The following ANKFN1 variants were observed in gnomAD, a reference collection of about 807,000 sequenced individuals.
ANKFN1 encodes ankyrin repeat and fibronectin type III domain containing 1, also known as ankyrin repeat and fibronectin type-III domain-containing protein 1.
A neutral mutation model predicts 108.7 loss-of-function variants in ANKFN1; 74 were observed. That is an observed-to-expected ratio of 0.68 (90% CI 0.56 to 0.83). The LOEUF (loss-of-function observed/expected upper bound fraction) is 0.83. ANKFN1 is among the 40% of genes least tolerant of loss of function. The probability of loss-of-function intolerance (pLI) is 0.00; values close to 1 mark genes in which losing one functional copy is unlikely to be tolerated. For missense variants in ANKFN1, 1,505 were observed against 1,382.3 expected (o/e 1.09, Z -1.41); for synonymous variants, 547 against 516.2 (o/e 1.06, Z -0.81).
intron 4 of ANKFN1, among the ~76,000 whole-genome samples, chr17:56,104,541 G>A (rs1905705971): frequency 6.6e-6 from 1 of 152,298 alleles, no homozygotes; most frequent in Non-Finnish European, 1.5e-5. Context: ...GAATAGAGAA[G>A]CATAGTCCCC....
intron 8 of ANKFN1, among the ~76,000 whole-genome samples, chr17:56,400,010 C>T (rs1384314893): frequency 3.3e-5 from 5 of 150,788 alleles, no homozygotes; most frequent in Admixed American, 1.3e-4. Context: ...GTTTGTTCCA[C>T]GATTTTGCAA....
intron 1 of ANKFN1, among the ~76,000 whole-genome samples, chr17:56,154,476 TTC>T (rs944784832): frequency 9.2e-5 from 14 of 152,094 alleles, no homozygotes; most frequent in African/African-American, 2.9e-4. Context: ...TCCTTTCCTT[TTC>T]TCTCTTTTCC....
intron 20 of ANKFN1, among the ~76,000 whole-genome samples, chr17:56,505,850 T>C (rs1457046463): frequency 6.6e-6 from 1 of 152,196 alleles, no homozygotes; most frequent in African/African-American, 2.4e-5. Flanking sequence ...CTCCAAACAG[T>C]ATGTTCTCAC....
chr17:56,156,912 A>C (rs1480106231), intron 1 of ANKFN1, among the ~76,000 whole-genome samples: 2 of 152,230 alleles, frequency 1.3e-5, no homozygotes, highest in Non-Finnish European at 2.9e-5. Context: ...GTGTAGCCCC[A>C]AAAAGCCAAA....
intron 3 of ANKFN1, 98 bp from the exon 4 acceptor site, chr17:56,326,123 A>G: frequency 6.8e-7 from 1 of 1,467,196 alleles, no homozygotes; most frequent in African/African-American, 1.4e-5. Context: ...CTCCCTATGC[A>G]TCATTTCCTC....
intron 20 of ANKFN1, among the ~76,000 whole-genome samples, chr17:56,503,555 G>T (rs2051452855): frequency 7.7e-6 from 1 of 129,896 alleles, no homozygotes; most frequent in South Asian, 2.5e-4. Context: ...AAACTGTGAA[G>T]ATAGATTTTT....
intron 20 of ANKFN1, among the ~76,000 whole-genome samples, chr17:56,504,710 C>A (rs2051493056): frequency 6.6e-6 from 1 of 151,890 alleles, no homozygotes; most frequent in Non-Finnish European, 1.5e-5. Flanking sequence ...GGCTGGAGTG[C>A]AGTGGCACAA....
rs532063852 is a variant in ANKFN1, at chr17:56,189,170, C to CTTTTTTTTTTTTTTTTTTTTT, written c.-70-23410_-70-23409insTTTTTTTTTTTTTTTTTTTTT. On this transcript the variant is annotated intron_variant, in intron 1 of 20. Coordinates refer to ENST00000682825, the MANE Select transcript of ANKFN1 (RefSeq NM_001370326.1). Reference sequence around the variant, plus strand: ...CCTAAGTAAGTAAATGTTGCCCTGACTTTTTTTTTTTTTTTTTTGAGACGG... The same window carrying CTTTTTTTTTTTTTTTTTTTTT: ...CCTAAGTAAGTAAATGTTGCCCTGACTTTTTTTTTTTTTTTTTTTTTTTTTTTTTTTTTTTTTTTGAGACGG... Among the ~76,000 whole-genome samples the CTTTTTTTTTTTTTTTTTTTTT allele has an allele frequency of 9.4e-4, 80 of 85,252 alleles. 5 individuals are homozygous for CTTTTTTTTTTTTTTTTTTTTT. Among genetic ancestry groups the CTTTTTTTTTTTTTTTTTTTTT allele is most frequent in the African/African-American group, 4.0e-3 (59 of 14,758 alleles). The allele number at this position is 85,252 out of a possible 152,430, so 55.9% of individuals were successfully genotyped here. A position where few individuals can be genotyped will look rare whatever the true frequency, so the allele number is the denominator to read the frequency against.
chr17:56,494,482 G>T (rs562677273), intron 19 of ANKFN1, among the ~76,000 whole-genome samples: 1 of 152,116 alleles, frequency 6.6e-6, no homozygotes, highest in Non-Finnish European at 1.5e-5. Context: ...CCCAGAGGAG[G>T]TTGGGAGGCT....
At chr17:56,418,560 C>T (rs1398962195) in intron 8 of ANKFN1, among the ~76,000 whole-genome samples, 2 of 151,990 alleles carry the variant, frequency 1.3e-5, no homozygotes, top group East Asian at 3.9e-4. Context: ...CACTAGAAGC[C>T]ATTTAATATA....
At chr17:56,170,783 TATATATATATATATATATATATATACAC>T (rs1262462355) in intron 1 of ANKFN1, among the ~76,000 whole-genome samples, 1 of 80,948 alleles carries the variant, frequency 1.2e-5, no homozygotes, top group African/African-American at 6.0e-5. Flanking sequence ...TTTATATATA[TATATATATATATATATATATATATACAC>T]ACACACACAC....
intron 4 of ANKFN1, among the ~76,000 whole-genome samples, chr17:56,087,889 T>C (rs1905345497): frequency 6.6e-6 from 1 of 151,332 alleles, no homozygotes; most frequent in Non-Finnish European, 1.5e-5. Flanking sequence ...AGAAAGAGTT[T>C]GCTGACCTCT....
intron 3 of ANKFN1, among the ~76,000 whole-genome samples, chr17:56,322,542 C>G (rs530850390): frequency 2.8e-4 from 42 of 152,276 alleles, no homozygotes; most frequent in African/African-American, 9.6e-4. Flanking sequence ...CTCCTGCTTA[C>G]TTTTTGAGAC....
At chr17:56,449,014 G>T (rs1317520543) in intron 10 of ANKFN1, 65 bp from the exon 11 acceptor site, 5 of 1,410,366 alleles carry the variant, frequency 3.5e-6, no homozygotes, top group Non-Finnish European at 5.0e-6. Flanking sequence ...GGCTCCTGAC[G>T]CAGGGCAAGG....
At chr17:56,283,559 TA>T (rs1368782842) in intron 3 of ANKFN1, among the ~76,000 whole-genome samples, 1 of 144,480 alleles carries the variant, frequency 6.9e-6, no homozygotes, top group Non-Finnish European at 1.5e-5. Flanking sequence ...TACTCAGCCA[TA>T]AAAAGGAATG....
Position 56,374,726 on chromosome 17 carries a change from A to G in ANKFN1, c.910+12A>G, listed in dbSNP as rs1388444671. 6.3e-7 allele frequency: 1 copy of G among 1,584,780 alleles called. No individual in the cohort carries two copies. The highest frequency in any genetic ancestry group is 1.3e-5 in the African/African-American group (1 of 74,102). ...AACCAGGTATAAAGGTACTGGACCC[A>G]AGACATGTTTTCATCACTCCTTCTT... is the stretch of plus-strand genomic sequence containing the variant. On this transcript the variant is annotated intron_variant, in intron 8 of 20. Transcript: ENST00000682825.
At chr17:56,153,630 TCGGG>T (rs1296772301) in intron 1 of ANKFN1, 100 bp downstream of exon 1, 22 of 1,492,842 alleles carry the variant, frequency 1.5e-5, no homozygotes, top group Middle Eastern at 1.7e-4. Flanking sequence ...GCGAGTGAAT[TCGGG>T]CGTTAGCTGG....
intron 4 of ANKFN1, among the ~76,000 whole-genome samples, chr17:56,113,952 G>T (rs548027942): frequency 6.6e-6 from 1 of 152,080 alleles, no homozygotes; most frequent in Non-Finnish European, 1.5e-5. Context: ...CAAACTAATT[G>T]GACGTCAGAA....
chr17:56,252,365 A>G (rs150285106), intron 3 of ANKFN1: 2 of 152,324 alleles, frequency 1.3e-5, no homozygotes, highest in African/African-American at 4.8e-5. Flanking sequence ...CAACATAATT[A>G]TTTAAATGTA....
Sources: allele counts gnomAD v4.1 joint callset (sites outside exome capture counted in the v4.1 genomes callset), GRCh38; gene constraint gnomAD v4.1.1; transcripts MANE v1.5; gene names NCBI Gene and HGNC (gene_info 2026-07-23, HGNC 2026-07-21).